Variants in PCDHA9 observed in about 807,000 individuals in gnomAD.
PCDHA9 encodes protocadherin alpha 9.
In PCDHA9, 62 loss-of-function variants were observed where a neutral mutation model predicts 62.0. The ratio of observed to expected loss-of-function variants is 1.00; its 90% confidence interval spans 0.81 to 1.23. PCDHA9 has a LOEUF of 1.23. Among genes scored for constraint, PCDHA9 ranks in the 50% most tolerant of loss-of-function variants. The pLI is 0.00. For synonymous variants in PCDHA9, 557 were observed against 567.6 expected (o/e 0.98, Z 0.27); for missense variants, 1,205 against 1,249.8 (o/e 0.96, Z 0.54).
rs782592420 is a variant in PCDHA9, at chr5:140,869,527, A to G, written c.2394+18638A>G. The G allele has an allele frequency of 1.2e-6, 2 of 1,614,186 alleles. No individual in the cohort carries two copies. Among genetic ancestry groups the G allele is most frequent in the African/African-American group, 2.7e-5 (2 of 75,038 alleles). On this transcript the variant is annotated intron_variant, in intron 1 of 3. Coordinates refer to ENST00000532602, the MANE Select transcript of PCDHA9 (RefSeq NM_031857.2). ...CTCGCTCAGAGAACAAAAGCTGCTG[A>G]TTGCGGAATCTAAGCAATCGGACTC...
chr5:140,978,829 T>C, intron 1 of PCDHA9, 120 bp from the exon 2 acceptor site: 1 of 1,533,852 alleles, frequency 6.5e-7, no homozygotes, highest in Non-Finnish European at 8.8e-7. Flanking sequence ...ATGAAATGGC[T>C]CATTCAATAC....
Position 140,928,944 on chromosome 5 carries a change from A to C in PCDHA9, c.2395-50005A>C, listed in dbSNP as rs782627710. The C allele has an allele frequency of 6.2e-6, 10 of 1,614,070 alleles. No homozygotes were observed. In the Admixed American group the frequency reaches 1.7e-4, roughly 27 times the overall value. On this transcript the variant is annotated intron_variant, in intron 1 of 3. Transcript: ENST00000532602. ...AGCTTTCTGCCCAGAACTTGTATTTAGTAATTGCCTTGGCTTGTATTTCCT... is the reference window on the plus strand; with the variant it reads ...AGCTTTCTGCCCAGAACTTGTATTTCGTAATTGCCTTGGCTTGTATTTCCT...
intron 1 of PCDHA9, among the ~76,000 whole-genome samples, chr5:140,944,359 T>C (rs1248806355): frequency 6.6e-6 from 1 of 152,092 alleles, no homozygotes; most frequent in African/African-American, 2.4e-5. Context: ...GGCTAATTTT[T>C]AATTTTTTAT....
chr5:140,938,650 A>G (rs184257234), intron 1 of PCDHA9, among the ~76,000 whole-genome samples: 3 of 152,214 alleles, frequency 2.0e-5, no homozygotes, highest in Non-Finnish European at 2.9e-5. Flanking sequence ...ATCCTTCTTT[A>G]TATCATTAGA....
intron 1 of PCDHA9, among the ~76,000 whole-genome samples, chr5:140,961,888 T>G (rs1361187779): frequency 4.0e-5 from 5 of 124,944 alleles, no homozygotes; most frequent in Non-Finnish European, 7.9e-5. Context: ...CTTACATCAG[T>G]TTTTTTTTTT....
At chr5:140,854,631 G>T (rs373536386) in intron 1 of PCDHA9, 1 of 149,874 alleles carries the variant, frequency 6.7e-6, no homozygotes, top group African/African-American at 2.4e-5. Context: ...CTTTAGAAAA[G>T]TCAAAACATC....
Position 141,009,608 on chromosome 5 carries a change from G to T in PCDHA9, c.2543-19G>T, listed in dbSNP as rs1350951999. On this transcript the variant is annotated intron_variant, in intron 3 of 3. Coordinates refer to ENST00000532602, the MANE Select transcript of PCDHA9 (RefSeq NM_031857.2). Reference sequence around the variant, plus strand: ...CATGTGTTGACCCTGTTAATGATTTGTAATGTTTTGTCTTTCAGAACCAGA... The same window carrying T: ...CATGTGTTGACCCTGTTAATGATTTTTAATGTTTTGTCTTTCAGAACCAGA... 1 of 1,610,774 alleles carries T rather than the reference G, an allele frequency of 6.2e-7. No individual in the cohort carries two copies. The highest frequency in any genetic ancestry group is 2.2e-5 in the East Asian group (1 of 44,832).
chr5:140,934,004 T>G (rs556218652), intron 1 of PCDHA9, among the ~76,000 whole-genome samples: 1 of 152,204 alleles, frequency 6.6e-6, no homozygotes, highest in Non-Finnish European at 1.5e-5. Flanking sequence ...CCTCTCATTT[T>G]TCTTGACTAG....
intron 1 of PCDHA9, chr5:140,853,603 G>T (rs1358386755): frequency 1.0e-6 from 1 of 987,254 alleles, no homozygotes; most frequent in Non-Finnish European, 1.2e-6. Context: ...GAGAGCAAAG[G>T]GGGTGCTGTA....
At position 140,941,221 on chromosome 5, in the gene PCDHA9, T is replaced by TTC. The variant is rs1217645089; in HGVS notation, c.2395-37726_2395-37725dup. Among the ~76,000 whole-genome samples the TTC allele has an allele frequency of 5.2e-4, 68 of 131,640 alleles. 1 individual carries two copies. Among genetic ancestry groups the TTC allele is most frequent in the African/African-American group, 2.0e-3 (67 of 33,088 alleles). 86.4% of individuals were successfully genotyped at this position (131,640 alleles called of 152,430 possible). A position where few individuals can be genotyped will look rare whatever the true frequency, so the allele number is the denominator to read the frequency against. Reference sequence around the variant, plus strand: ...TTTCTTCCTTTCTTTCTTCCTTTCTTTCTTTCTTTCTTTCTTTCTTTCTTT... The same window carrying TTC: ...TTTCTTCCTTTCTTTCTTCCTTTCTTTCTCTTTCTTTCTTTCTTTCTTTCTTT... On this transcript the variant is annotated intron_variant, in intron 1 of 3. Transcript: ENST00000532602.
chr5:140,928,351 G>A lies in PCDHA9; in HGVS notation c.2395-50598G>A, dbSNP rs201396871. ...CCTTGTCTCTTATGAGCTGTTGGAT[G>A]TTATCTCTGAAGGGCCATCAGCCTC... On this transcript the variant is annotated intron_variant, in intron 1 of 3. Coordinates refer to ENST00000532602, the MANE Select transcript of PCDHA9 (RefSeq NM_031857.2). The A allele has an allele frequency of 1.2e-5, 20 of 1,614,150 alleles. No individual in the cohort carries two copies. In the East Asian group the frequency reaches 4.5e-4, roughly 36 times the overall value.
chr5:140,850,027 A>G lies in PCDHA9; in HGVS notation c.1532A>G (p.His511Arg), dbSNP rs2150464152. The G allele has an allele frequency of 2.5e-6, 4 of 1,596,758 alleles. No individual in the cohort carries two copies. The highest frequency in any genetic ancestry group is 3.4e-6 in the Non-Finnish European group (4 of 1,167,786). Residue 511 changes from histidine (H) to arginine (R), a missense_variant, in exon 1 of 4, where the codon CAC becomes CGC. Physicochemically the swap from His to Arg is conservative, Grantham distance 29. Around this residue, in one of 3 missense-constraint regions of PCDHA9, gnomAD observed 887 missense variants for 809.5 expected, o/e 1.10. Transcript: ENST00000532602. ...TCGCTGTCGAGCTACGTGTCAGTGC[A>G]CGCGGAGAGCGGCAAGGTGTACGCG... ...ERSLSSYVSV[H>R]AESGKVYALQ...
At chr5:140,870,030 T>C (rs782502508) in intron 1 of PCDHA9, 4 of 1,613,662 alleles carry the variant, frequency 2.5e-6, no homozygotes, top group Admixed American at 1.7e-5. Context: ...CTTTAGATTA[T>C]GAAGAAAACA....
chr5:140,926,539 G>A (rs910445315), intron 1 of PCDHA9: 2 of 216,944 alleles, frequency 9.2e-6, no homozygotes, highest in Non-Finnish European at 1.8e-5. Flanking sequence ...AGCCAGCGTG[G>A]TGGTCGAGAC....
At chr5:140,916,628 C>T (rs1311862991) in intron 1 of PCDHA9, among the ~76,000 whole-genome samples, 1 of 152,188 alleles carries the variant, frequency 6.6e-6, no homozygotes, top group Non-Finnish European at 1.5e-5. Context: ...ACTCAATGCC[C>T]TATCCTACTG....
At chr5:141,005,352 GGAATGTCATA>G (rs1261780276) in intron 3 of PCDHA9, among the ~76,000 whole-genome samples, 2 of 152,178 alleles carry the variant, frequency 1.3e-5, no homozygotes, top group Non-Finnish European at 2.9e-5. Flanking sequence ...TGCTTGGCTA[GGAATGTCATA>G]GAATGCCTTT....
chr5:140,936,714 C>G (rs2091106727), intron 1 of PCDHA9, among the ~76,000 whole-genome samples: 1 of 152,198 alleles, frequency 6.6e-6, no homozygotes, highest in African/African-American at 2.4e-5. Context: ...TGTGCCAATA[C>G]ATTCTGTGTT....
chr5:140,941,214 C>CTTCTTTCTTT (rs1554214039), intron 1 of PCDHA9, among the ~76,000 whole-genome samples: 1 of 122,414 alleles, frequency 8.2e-6, no homozygotes, highest in Admixed American at 8.5e-5. Context: ...TTTCTTTCTT[C>CTTCTTTCTTT]CTTTCTTTCT....
At chr5:140,953,952 C>T (rs1025145135) in intron 1 of PCDHA9, among the ~76,000 whole-genome samples, 1 of 152,084 alleles carries the variant, frequency 6.6e-6, no homozygotes, top group Non-Finnish European at 1.5e-5. Context: ...GCTCCCCCAA[C>T]AGGCCCCAGT....
Sources: gnomAD v4.1 joint callset for allele counts (sites outside exome capture counted in the v4.1 genomes callset) on GRCh38, gnomAD v4.1.1 for gene constraint, gnomAD v4.1.1 regional missense constraint, MANE v1.5 for transcripts, NCBI Gene and HGNC (gene_info 2026-07-23, HGNC 2026-07-21) for gene names.